ROR1: variants seen among roughly 807,000 people sequenced by gnomAD.
The protein encoded by ROR1 is ROR family WNT receptor 1.
Under a neutral mutation model 78.8 loss-of-function variants are expected in ROR1, and 19 were observed. That is an observed-to-expected ratio of 0.24 (90% CI 0.17 to 0.35). The LOEUF (loss-of-function observed/expected upper bound fraction) is 0.35, where lower values mean the gene tolerates loss of function less well. ROR1 is among the 10% of genes least tolerant of loss of function. The probability of loss-of-function intolerance (pLI) is 1.00; values close to 1 mark genes in which losing one functional copy is unlikely to be tolerated. For synonymous variants in ROR1, 386 were observed against 433.6 expected, an observed-to-expected ratio of 0.89 and a Z score of 1.36; for missense variants, 917 against 1,177.8, an observed-to-expected ratio of 0.78 and a Z score of 3.24.
chr1:64,077,845 C>T (rs777420805), intron 4 of ROR1, among the ~76,000 whole-genome samples: 5 of 152,236 alleles, frequency 3.3e-5, no homozygotes, highest in Non-Finnish European at 5.9e-5. Context: ...TTGCTAATTA[C>T]AATACACAAT....
chr1:64,177,485 T>A lies in ROR1; in HGVS notation c.1444T>A (p.Cys482Ser), dbSNP rs773155144. ...AVRFMEELGE[C>S]AFGKIYKGHL... is the part of the protein sequence containing the mutation. ...ACGCTTTATGGAAGAATTGGGTGAG[T>A]GTGCCTTTGGAAAAATCTATAAAGG... The change falls in exon 9 of 9, where the codon TGT (cysteine) becomes AGT (serine). Residue 482 changes from cysteine to serine, a missense_variant. By Grantham distance (112) the Cys-to-Ser change is moderately radical. This residue lies in a region of ROR1 where 835 missense variants were observed against 1,069.8 expected (regional missense o/e 0.78). Transcript: ENST00000371079. 8 of 1,614,128 alleles carry A rather than the reference T, an allele frequency of 5.0e-6. No homozygotes were observed. In the East Asian group the frequency reaches 1.8e-4, roughly 36 times the overall value.
chr1:63,798,691 T>C (rs1240212454), intron 1 of ROR1, among the ~76,000 whole-genome samples: 2 of 152,176 alleles, frequency 1.3e-5, no homozygotes, highest in Admixed American at 1.3e-4. Context: ...CTATTTACTT[T>C]ATTGCTGCTC....
At chr1:64,026,956 A>G (rs993445196) in intron 2 of ROR1, among the ~76,000 whole-genome samples, 1 of 152,208 alleles carries the variant, frequency 6.6e-6, no homozygotes, top group Non-Finnish European at 1.5e-5. Flanking sequence ...AAGAAGCAAG[A>G]AGGATCAAAA....
intron 2 of ROR1, among the ~76,000 whole-genome samples, chr1:64,023,810 A>G (rs912205841): frequency 1.3e-4 from 20 of 152,166 alleles, no homozygotes; most frequent in African/African-American, 4.8e-4. Flanking sequence ...TGGCCATATT[A>G]AATGTTGATA....
chr1:63,818,146 C>T (rs1164537943), intron 1 of ROR1, among the ~76,000 whole-genome samples: 1 of 152,100 alleles, frequency 6.6e-6, no homozygotes, highest in Non-Finnish European at 1.5e-5. Flanking sequence ...GGGTTAGAAC[C>T]CAGTTCTGTT....
chr1:64,174,729 T>C (rs1650329950), intron 8 of ROR1, among the ~76,000 whole-genome samples: 1 of 152,184 alleles, frequency 6.6e-6, no homozygotes, highest in Admixed American at 6.5e-5. Context: ...TAGGAAAAGT[T>C]CTCATGGAAA....
rs568998477 is a variant in ROR1, at chr1:64,170,841, G to A, written c.1387-6587G>A. Among the ~76,000 whole-genome samples, 426 of 152,204 alleles carry A rather than the reference G, an allele frequency of 2.8e-3. 4 individuals carry two copies. Among genetic ancestry groups the A allele is most frequent in the African/African-American group, 8.6e-3 (357 of 41,550 alleles). On this transcript the variant is annotated intron_variant, in intron 8 of 8. Transcript: ENST00000371079. ...ATCTCTAGGGCAGGGGAAAAATGCC[G>A]CCAGTCTCTTTGCTAAAACATAACA...
chr1:64,133,076 G>A (rs1183183291), intron 4 of ROR1, among the ~76,000 whole-genome samples: 3 of 152,116 alleles, frequency 2.0e-5, no homozygotes, highest in African/African-American at 7.2e-5. Context: ...ATGGTTTGAT[G>A]AAAGTACTGG....
At chr1:64,051,425 G>A (rs980711369) in intron 4 of ROR1, among the ~76,000 whole-genome samples, 9 of 150,552 alleles carry the variant, frequency 6.0e-5, no homozygotes, top group African/African-American at 2.2e-4. Context: ...ACTCCAGCCT[G>A]GGCAGCAGAG....
At chr1:63,843,897 T>A (rs181651710) in intron 1 of ROR1, among the ~76,000 whole-genome samples, 2 of 152,290 alleles carry the variant, frequency 1.3e-5, no homozygotes, top group Non-Finnish European at 2.9e-5. Context: ...CTTGCTGAAG[T>A]AGCCTCCTGA....
At chr1:63,787,097 C>T (rs1374497342) in intron 1 of ROR1, among the ~76,000 whole-genome samples, 1 of 152,156 alleles carries the variant, frequency 6.6e-6, no homozygotes, top group African/African-American at 2.4e-5. Flanking sequence ...AATTTCTACC[C>T]TCACACCGGC....
intron 8 of ROR1, among the ~76,000 whole-genome samples, chr1:64,164,731 C>G (rs960250929): frequency 6.6e-6 from 1 of 152,028 alleles, no homozygotes; most frequent in African/African-American, 2.4e-5. Context: ...AGTTATTTTT[C>G]CTGATCCTCT....
intron 4 of ROR1, chr1:64,110,583 G>A (rs1286623340): frequency 6.6e-6 from 1 of 152,010 alleles, no homozygotes; most frequent in Non-Finnish European, 1.5e-5. Flanking sequence ...GGTTGTTTCT[G>A]TTTGTAATTT....
chr1:63,804,907 C>A (rs564550936), intron 1 of ROR1, among the ~76,000 whole-genome samples: 34 of 152,290 alleles, frequency 2.2e-4, no homozygotes, highest in African/African-American at 7.9e-4. Context: ...TGTTTGACCC[C>A]ACCTTGGGAA....
chr1:63,787,498 C>T (rs1644697345), intron 1 of ROR1, among the ~76,000 whole-genome samples: 1 of 141,644 alleles, frequency 7.1e-6, no homozygotes, highest in Non-Finnish European at 1.5e-5. Context: ...TCCTGCCTTC[C>T]TGACTTCCTT....
chr1:64,006,330 C>T (rs975743701), intron 1 of ROR1, among the ~76,000 whole-genome samples: 3 of 152,056 alleles, frequency 2.0e-5, no homozygotes, highest in Admixed American at 6.6e-5. Context: ...GTCTGGGTGT[C>T]GGGGTGTTTG....
At chr1:64,097,674 A>G (rs1348269526) in intron 4 of ROR1, among the ~76,000 whole-genome samples, 2 of 152,064 alleles carry the variant, frequency 1.3e-5, no homozygotes, top group African/African-American at 4.8e-5. Context: ...AGGGAAAAAA[A>G]AAGAATAAGG....
intron 7 of ROR1, 23 bp from the exon 8 acceptor site, chr1:64,158,958 C>T: frequency 1.3e-6 from 2 of 1,578,326 alleles, no homozygotes; most frequent in African/African-American, 1.3e-5. Flanking sequence ...ATAACTTTTG[C>T]TCTTTTTCAT....
At chr1:63,783,080 C>A (rs1644662851) in intron 1 of ROR1, among the ~76,000 whole-genome samples, 1 of 152,124 alleles carries the variant, frequency 6.6e-6, no homozygotes, top group Admixed American at 6.5e-5. Context: ...CATGGACTCG[C>A]TGAGACTATC....
Sources: allele counts gnomAD v4.1 joint callset (sites outside exome capture counted in the v4.1 genomes callset), GRCh38; gene constraint gnomAD v4.1.1; regional missense constraint gnomAD v4.1.1; transcripts MANE v1.5; gene names NCBI Gene and HGNC (gene_info 2026-07-23, HGNC 2026-07-21).